NBEA: variants seen among roughly 807,000 people sequenced by gnomAD.
NBEA encodes lysosomal-trafficking regulator 2.
In NBEA, 44 loss-of-function variants were observed where a neutral mutation model predicts 343.4. The observed-to-expected ratio is 0.13, with a 90% CI of 0.10 to 0.16. The LOEUF is 0.16. Ranked by LOEUF, NBEA falls within the 10% of genes least tolerant of loss-of-function variation. The pLI, the probability that NBEA is intolerant of heterozygous loss-of-function variation, is 1.00. For synonymous variants in NBEA, 1,175 were observed against 1,238.7 expected, an observed-to-expected ratio of 0.95 and a Z score of 1.08; for missense variants, 2,555 against 3,631.3, an observed-to-expected ratio of 0.70 and a Z score of 7.62.
intron 35 of NBEA, among the ~76,000 whole-genome samples, chr13:35,300,664 C>T (rs552231803): frequency 3.9e-5 from 6 of 152,036 alleles, no homozygotes; most frequent in East Asian, 3.9e-4. Flanking sequence ...TGGAAAAGGG[C>T]GATAGAAATA....
intron 10 of NBEA, among the ~76,000 whole-genome samples, chr13:35,087,483 T>A (rs1487650307): frequency 6.6e-6 from 1 of 151,918 alleles, no homozygotes; most frequent in African/African-American, 2.4e-5. Context: ...AACATCATCA[T>A]ACAGCTTTTG....
intron 41 of NBEA, among the ~76,000 whole-genome samples, chr13:35,547,396 C>T (rs937189372): frequency 1.3e-5 from 2 of 152,078 alleles, no homozygotes; most frequent in Non-Finnish European, 2.9e-5. Context: ...TGCAGAGGGT[C>T]CCTAAGGACC....
At chr13:35,193,406 A>G (rs940367897) in intron 30 of NBEA, among the ~76,000 whole-genome samples, 1 of 151,908 alleles carries the variant, frequency 6.6e-6, no homozygotes, top group Non-Finnish European at 1.5e-5. Flanking sequence ...TGTAGACTAA[A>G]AGTGATTCAA....
intron 38 of NBEA, among the ~76,000 whole-genome samples, chr13:35,374,529 G>A (rs2041634006): frequency 6.6e-6 from 1 of 152,164 alleles, no homozygotes; most frequent in Non-Finnish European, 1.5e-5. Context: ...TATCTGTGAA[G>A]TATAATAAAG....
In NBEA at chr13:35,672,388, G is replaced by T. The variant is rs2085648521; in HGVS notation, c.*1397G>T. The T allele has an allele frequency of 6.6e-6, 1 of 152,616 alleles. No homozygotes were observed. The highest frequency in any genetic ancestry group is 1.5e-5 in the Non-Finnish European group (1 of 68,028). The allele number at this position is 152,616 out of a possible 1,614,324, so 9.5% of individuals were successfully genotyped here. Reference sequence around the variant, plus strand: ...CACCAGAAACATATCATTATTTATTGATGTGATTACTTATTTGTTATCCAC... The same window carrying T: ...CACCAGAAACATATCATTATTTATTTATGTGATTACTTATTTGTTATCCAC... On this transcript the variant is annotated 3_prime_UTR_variant, in exon 59 of 59. Transcript: ENST00000379939.
At chr13:35,640,958 G>A (rs908955026) in intron 49 of NBEA, among the ~76,000 whole-genome samples, 11 of 151,592 alleles carry the variant, frequency 7.3e-5, no homozygotes, top group Admixed American at 4.0e-4. Flanking sequence ...AATGCTAAGT[G>A]CATGATGTCA....
At chr13:35,080,152 TA>T (rs1460430684) in intron 10 of NBEA, among the ~76,000 whole-genome samples, 1 of 152,098 alleles carries the variant, frequency 6.6e-6, no homozygotes, top group Admixed American at 6.6e-5. Flanking sequence ...CAAGAGAGTA[TA>T]GGGGTCATGT....
At position 34,948,569 on chromosome 13, in the gene NBEA, G is replaced by GT. The variant is rs756760634; in HGVS notation, c.294+5461dup. ...TTTATTTCAAATCAGTGTAAGTTGG[G>GT]TTTTTTGTCACTTGTAAATAGAAGG... On this transcript the variant is annotated intron_variant, in intron 1 of 58. Transcript: ENST00000379939. 4.7e-4 allele frequency among the ~76,000 whole-genome samples: 71 copies of GT among 152,212 alleles called. No homozygotes were observed. The Middle Eastern group carries it at 0.01, about 22-fold the overall frequency.
At chr13:35,226,767 A>G (rs1256502678) in intron 33 of NBEA, among the ~76,000 whole-genome samples, 2 of 151,860 alleles carry the variant, frequency 1.3e-5, no homozygotes, top group Non-Finnish European at 2.9e-5. Context: ...GCATCCCCAA[A>G]AAAGCATTAC....
At chr13:35,578,478 G>A (rs1215368388) in intron 45 of NBEA, among the ~76,000 whole-genome samples, 1 of 152,134 alleles carries the variant, frequency 6.6e-6, no homozygotes, top group East Asian at 1.9e-4. Context: ...GTAGCATAGT[G>A]AGATTCCATA....
intron 40 of NBEA, among the ~76,000 whole-genome samples, chr13:35,468,082 T>G (rs1253732906): frequency 7.0e-6 from 1 of 142,032 alleles, no homozygotes; most frequent in Admixed American, 7.5e-5. Flanking sequence ...TAGAATGCAG[T>G]GTACCCCCTC....
chr13:35,322,909 G>A (rs1216754011), intron 36 of NBEA, among the ~76,000 whole-genome samples: 2 of 152,182 alleles, frequency 1.3e-5, no homozygotes, highest in South Asian at 2.1e-4. Context: ...GAGTGCAGTG[G>A]CATGATCTCG....
At chr13:34,984,449 A>G (rs1280388052) in intron 1 of NBEA, among the ~76,000 whole-genome samples, 2 of 151,992 alleles carry the variant, frequency 1.3e-5, no homozygotes, top group African/African-American at 4.8e-5. Flanking sequence ...TTACTGTGCC[A>G]TGTAGTATAG....
chr13:35,269,263 T>C (rs192953907), intron 34 of NBEA, among the ~76,000 whole-genome samples: 35 of 152,278 alleles, frequency 2.3e-4, no homozygotes, highest in Non-Finnish European at 2.5e-4. Flanking sequence ...AATGCATCTG[T>C]TAATATTCAA....
chr13:35,613,175 A>G (rs2082597215), intron 48 of NBEA, among the ~76,000 whole-genome samples: 1 of 150,758 alleles, frequency 6.6e-6, no homozygotes, highest in South Asian at 2.1e-4. Context: ...TAACTGCACC[A>G]TTGACCAACA....
intron 38 of NBEA, among the ~76,000 whole-genome samples, chr13:35,413,994 T>C (rs967350286): frequency 1.3e-5 from 2 of 152,144 alleles, no homozygotes; most frequent in African/African-American, 4.8e-5. Context: ...TGAGTACCCA[T>C]GCAACTGTGG....
chr13:35,177,116 T>G lies in NBEA; in HGVS notation c.4662+13T>G, dbSNP rs533352590. The G allele has an allele frequency of 6.4e-7, 1 of 1,557,744 alleles. No homozygotes were observed. Among genetic ancestry groups the G allele is most frequent in the South Asian group, 1.2e-5 (1 of 85,864 alleles). On this transcript the variant is annotated intron_variant, in intron 28 of 58. Transcript: ENST00000379939. ...CTTTCGGGATGTGGTAAGTTATACC[T>G]GATTGGTTTCCCTGAAATAAACCTT...
At chr13:35,004,957 A>G (rs1165127556) in intron 1 of NBEA, among the ~76,000 whole-genome samples, 2 of 152,152 alleles carry the variant, frequency 1.3e-5, no homozygotes, top group Admixed American at 6.5e-5. Flanking sequence ...ACATGATTTA[A>G]TGTTTTATGA....
intron 55 of NBEA, among the ~76,000 whole-genome samples, chr13:35,662,336 G>A (rs560970117): frequency 1.3e-5 from 2 of 152,294 alleles, no homozygotes; most frequent in South Asian, 2.1e-4. Flanking sequence ...GGGCAACGGC[G>A]GTGGCCCTCA....
Sources: gnomAD v4.1 joint callset for allele counts (sites outside exome capture counted in the v4.1 genomes callset) on GRCh38, gnomAD v4.1.1 for gene constraint, MANE v1.5 for transcripts, NCBI Gene and HGNC (gene_info 2026-07-23, HGNC 2026-07-21) for gene names.